The following GALNT15 variants were observed in gnomAD, a reference collection of about 807,000 sequenced individuals.
GALNT15 encodes polypeptide N-acetylgalactosaminyltransferase 15.
Under a neutral mutation model 66.8 loss-of-function variants are expected in GALNT15, and 67 were observed. That is an observed-to-expected ratio of 1.00 (90% CI 0.82 to 1.23). The LOEUF (loss-of-function observed/expected upper bound fraction) is 1.23. Among genes scored for constraint, GALNT15 ranks in the 50% most tolerant of loss-of-function variants. The pLI is 0.00. For synonymous variants in GALNT15, 313 were observed against 311.5 expected, an observed-to-expected ratio of 1.00 and a Z score of -0.05; for missense variants, 827 against 804.3, an observed-to-expected ratio of 1.03 and a Z score of -0.34.
At chr3:16,207,129 T>G (rs950732212) in intron 3 of GALNT15, among the ~76,000 whole-genome samples, 2 of 152,192 alleles carry the variant, frequency 1.3e-5, no homozygotes, top group Non-Finnish European at 2.9e-5. Context: ...CTTACACTTA[T>G]GTCAGTTACC....
chr3:16,192,069 T>TA (rs921127651), intron 1 of GALNT15, among the ~76,000 whole-genome samples: 1 of 152,214 alleles, frequency 6.6e-6, no homozygotes, highest in African/African-American at 2.4e-5. Context: ...AGGAAACTGA[T>TA]ACCTATAAAT....
the GALNT15 span, among the ~76,000 whole-genome samples, chr3:16,247,540 A>G: frequency 6.6e-6 from 1 of 152,244 alleles, no homozygotes; most frequent in Non-Finnish European, 1.5e-5. Flanking sequence ...ATATTAAAGC[A>G]GCAGGCTGCA....
chr3:16,200,636 C>G lies in GALNT15; in HGVS notation c.724C>G (p.Leu242Val), dbSNP rs202129269. Reference protein sequence around the residue: ...LSQQGQLKSALSEYVARLEGV... With the variant: ...LSQQGQLKSAVSEYVARLEGV... ...GATTCCAGGACAACTCAAGTCTGCT[C>G]TCAGCGAATATGTGGCCAGGCTGGA... The change falls in exon 3 of 10, where the codon CTC (leucine) becomes GTC (valine). Residue 242 changes from leucine (L) to valine (V), a missense_variant. By Grantham distance (32) the Leu-to-Val change is conservative. Transcript: ENST00000339732. The surrounding 1 kb of genome is among the most constrained non-coding windows in gnomAD (Gnocchi z 4.4). 5.7e-6 allele frequency: 9 copies of G among 1,568,692 alleles called. No individual in the cohort carries two copies. In the Admixed American group the frequency reaches 7.3e-5, roughly 13 times the overall value.
At chr3:16,212,861 CAG>C (rs2063832179) in intron 6 of GALNT15, 98 bp downstream of exon 6, 7 of 1,090,034 alleles carry the variant, frequency 6.4e-6, no homozygotes, top group South Asian at 1.5e-5. Context: ...GAGGGGAAAA[CAG>C]AAGATTCTGG....
At chr3:16,206,166 T>A (rs1439611166) in intron 3 of GALNT15, among the ~76,000 whole-genome samples, 1 of 151,698 alleles carries the variant, frequency 6.6e-6, no homozygotes, top group Non-Finnish European at 1.5e-5. Context: ...CACTTTGAGC[T>A]CAGGAGTTCG....
rs2063550713 is a variant in GALNT15, at chr3:16,189,304, C to T, written c.540-6456C>T. ...ACAGCACCACCATGTTGCATAACTC[C>T]AAGAGACACCAGTGCATGGTGATCT... On this transcript the variant is annotated intron_variant, in intron 1 of 9. Coordinates refer to ENST00000339732, the MANE Select transcript of GALNT15 (RefSeq NM_054110.5). This position sits in a 1 kb window ranked among gnomAD's most constrained non-coding sequence, Gnocchi z 5.1. 6.6e-6 allele frequency among the ~76,000 whole-genome samples: 1 copy of T among 152,180 alleles called. No homozygotes were observed. The highest frequency in any genetic ancestry group is 2.1e-4 in the South Asian group (1 of 4,828).
At position 16,211,015 on chromosome 3, in the gene GALNT15, C is replaced by T; in HGVS notation, c.1080-109C>T. The T allele has an allele frequency of 1.3e-6, 1 of 745,986 alleles. No individual in the cohort carries two copies. 46.2% of individuals were successfully genotyped at this position (745,986 alleles called of 1,614,324 possible). On this transcript the variant is annotated intron_variant, in intron 4 of 9. Transcript: ENST00000339732. This position sits in a 1 kb window ranked among gnomAD's most constrained non-coding sequence, Gnocchi z 4.3. The stretch of plus-strand genomic sequence containing the variant: ...AATTGCATTTTACCTGAGCCTAAAG[C>T]CTGTTCTCTCAGCCACTGGAGCTCC...
downstream of GALNT15, among the ~76,000 whole-genome samples, chr3:16,232,490 ATATATATATATATATATATATTTATT>A (rs1372803477): frequency 6.8e-4 from 56 of 82,768 alleles, 8 homozygotes; most frequent in Middle Eastern, 4.8e-3. Flanking sequence ...ATATATATAT[ATATATATATATATATATATATTTATT>A]TAAAAGAGAC....
chr3:16,247,095 G>A, the GALNT15 span, among the ~76,000 whole-genome samples: 1 of 128,714 alleles, frequency 7.8e-6, no homozygotes, highest in Non-Finnish European at 1.6e-5. Context: ...AGCAAAGACT[G>A]TAGTGTGTGT....
chr3:16,232,494 AT>A (rs2064093962), downstream of GALNT15, among the ~76,000 whole-genome samples: 8 of 86,464 alleles, frequency 9.3e-5, 2 homozygotes, highest in African/African-American at 2.9e-4. Flanking sequence ...ATATATATAT[AT>A]ATATATATAT....
Position 16,212,709 on chromosome 3 carries a change from G to T in GALNT15, c.1338G>T (p.Gly446=), listed in dbSNP as rs764693137. 2 of 1,613,878 alleles carry T rather than the reference G, an allele frequency of 1.2e-6. No homozygotes were observed. Among genetic ancestry groups the T allele is most frequent in the Admixed American group, 1.7e-5 (1 of 60,004 alleles). The change falls in exon 6 of 10, where the codon GGG becomes GGT. Residue 446 remains glycine (G), a synonymous_variant. Transcript: ENST00000339732. The part of the protein sequence containing the change: ...NRVRIAETWL[G]SFKETFYKHS... ...TTCGCATTGCTGAGACCTGGCTGGGGTCATTCAAAGAAACCTTCTACAAGC... is the reference window on the plus strand; with the variant it reads ...TTCGCATTGCTGAGACCTGGCTGGGTTCATTCAAAGAAACCTTCTACAAGC...
chr3:16,206,402 G>A (rs1460647690), intron 3 of GALNT15, among the ~76,000 whole-genome samples: 1 of 150,396 alleles, frequency 6.6e-6, no homozygotes, highest in Non-Finnish European at 1.5e-5. Context: ...GGCCGGGCGC[G>A]ATGGTTCACG....
chr3:16,244,599 T>C, the GALNT15 span, among the ~76,000 whole-genome samples: 1 of 152,186 alleles, frequency 6.6e-6, no homozygotes, highest in African/African-American at 2.4e-5. Context: ...GAAAGCTACA[T>C]GTTTTGAAGA....
rs780000377 is a variant in GALNT15 at position 16,175,529 on chromosome 3, G to C, written c.378G>C (p.Gln126His). ...SYRLIKQPRR[Q>H]DKEAPKRDWG... ...GCCTCATCAAGCAGCCAAGGAGGCA[G>C]GATAAGGAAGCCCCAAAGAGGGACT... Residue 126 changes from glutamine to histidine, a missense_variant, in exon 1 of 10, where the codon CAG becomes CAC. Gln to His is a conservative substitution (Grantham distance 24, BLOSUM62 0). Transcript: ENST00000339732. This position sits in a 1 kb window ranked among gnomAD's most constrained non-coding sequence, Gnocchi z 5.6. 4 of 1,613,966 alleles carry C rather than the reference G, an allele frequency of 2.5e-6. No individual in the cohort carries two copies. In the Admixed American group the frequency reaches 6.7e-5, roughly 27 times the overall value.
chr3:16,225,001 G>C lies in GALNT15; in HGVS notation c.1773+2243G>C, dbSNP rs1225393585. On this transcript the variant is annotated intron_variant, in intron 9 of 9. Coordinates refer to ENST00000339732, the MANE Select transcript of GALNT15 (RefSeq NM_054110.5). This position sits in a 1 kb window ranked among gnomAD's most constrained non-coding sequence, Gnocchi z 4.4. ...GACTGGGTAATTTATAAGAAAAAAG[G>C]TGTAATTGGCTCATGGTTCTGCAGG... Among the ~76,000 whole-genome samples, 2 of 152,194 alleles carry C rather than the reference G, an allele frequency of 1.3e-5. No homozygotes were observed. Among genetic ancestry groups the C allele is most frequent in the Non-Finnish European group, 2.9e-5 (2 of 68,040 alleles).
intron 8 of GALNT15, among the ~76,000 whole-genome samples, chr3:16,220,545 C>T (rs192401894): frequency 6.6e-5 from 10 of 152,276 alleles, no homozygotes; most frequent in South Asian, 2.1e-4. Flanking sequence ...AATCCTCCAC[C>T]GATGCTAGCT....
chr3:16,207,234 A>G (rs1306304050), intron 3 of GALNT15, among the ~76,000 whole-genome samples: 1 of 152,176 alleles, frequency 6.6e-6, no homozygotes, highest in Non-Finnish European at 1.5e-5. Flanking sequence ...GGTAGTGTAA[A>G]CACAATGTGG....
In GALNT15 at chr3:16,195,985, T is replaced by C; in HGVS notation, c.706+59T>C. The stretch of plus-strand genomic sequence containing the variant: ...GAGCCTTACCCCCTGGCGGGTGGAG[T>C]TCTCAAGCAAAAGATTGAAGTTTGG... On this transcript the variant is annotated intron_variant, in intron 2 of 9. Transcript: ENST00000339732. This position sits in a 1 kb window ranked among gnomAD's most constrained non-coding sequence, Gnocchi z 4.6. 6.4e-7 allele frequency: 1 copy of C among 1,553,572 alleles called. No homozygotes were observed. Among genetic ancestry groups the C allele is most frequent in the Non-Finnish European group, 8.8e-7 (1 of 1,135,326 alleles).
rs1575000158 is a variant in GALNT15 at position 16,224,779 on chromosome 3, G to A, written c.1773+2021G>A. Among the ~76,000 whole-genome samples, 1 of 152,042 alleles carries A rather than the reference G, an allele frequency of 6.6e-6. No homozygotes were observed. The highest frequency in any genetic ancestry group is 1.9e-4 in the East Asian group (1 of 5,170). On this transcript the variant is annotated intron_variant, in intron 9 of 9. Coordinates refer to ENST00000339732, the MANE Select transcript of GALNT15 (RefSeq NM_054110.5). The surrounding 1 kb of genome is among the most constrained non-coding windows in gnomAD (Gnocchi z 5.2). ...AGCCTCTTTAGTGGCTGAGATTAGA[G>A]GTGCCTGCCACCATGCCCAGCTAAT...
Sources: allele counts gnomAD v4.1 joint callset (sites outside exome capture counted in the v4.1 genomes callset), GRCh38; gene constraint gnomAD v4.1.1; non-coding constraint Gnocchi (gnomAD v3.1); transcripts MANE v1.5; gene names NCBI Gene and HGNC (gene_info 2026-07-23, HGNC 2026-07-21).